Variants in NEDD9 observed in about 807,000 individuals in gnomAD.
The protein encoded by NEDD9 is neural precursor cell expressed, developmentally down-regulated 9, also known as enhancer of filamentation 1.
In NEDD9, 26 loss-of-function variants were observed where a neutral mutation model predicts 76.6. That is an observed-to-expected ratio of 0.34 (90% CI 0.25 to 0.47). The LOEUF is 0.47. NEDD9 is among the 20% of genes least tolerant of loss of function. The pLI, the probability that NEDD9 is intolerant of heterozygous loss-of-function variation, is 1.00. For synonymous variants in NEDD9, 392 were observed against 414.2 expected (o/e 0.95, Z 0.65); for missense variants, 937 against 1,058.5 (o/e 0.89, Z 1.59).
At chr6:11,272,421 TC>T (rs1277227048) in intron 3 of NEDD9, among the ~76,000 whole-genome samples, 1 of 152,248 alleles carries the variant, frequency 6.6e-6, no homozygotes, top group Admixed American at 6.5e-5. Context: ...TTTTAAGGTT[TC>T]TGGCTACATG....
At chr6:11,304,771 A>T (rs1296914429) in intron 3 of NEDD9, among the ~76,000 whole-genome samples, 1 of 152,198 alleles carries the variant, frequency 6.6e-6, no homozygotes. Context: ...ACACATGGAC[A>T]CAGGGTGGGG....
chr6:11,374,122 A>C (rs1274043129), intron 1 of NEDD9, among the ~76,000 whole-genome samples: 1 of 152,052 alleles, frequency 6.6e-6, no homozygotes, highest in Non-Finnish European at 1.5e-5. Context: ...GTTTGTCTGG[A>C]GAACCCTAAT....
intron 1 of NEDD9, among the ~76,000 whole-genome samples, chr6:11,336,924 C>T (rs962363113): frequency 1.3e-5 from 2 of 152,084 alleles, no homozygotes; most frequent in African/African-American, 4.8e-5. Context: ...CTGCCATCTC[C>T]TAGAATGCCT....
At chr6:11,232,682 T>C, upstream of NEDD9, 1 of 1,483,644 alleles carries the variant, frequency 6.7e-7, no homozygotes, top group East Asian at 2.4e-5. Flanking sequence ...CTCACTGTTG[T>C]GACTGAGGCA....
At chr6:11,186,795 T>G (rs1251980350) in intron 6 of NEDD9, among the ~76,000 whole-genome samples, 3 of 152,154 alleles carry the variant, frequency 2.0e-5, no homozygotes, top group Non-Finnish European at 4.4e-5. Context: ...TTTTTTGTAT[T>G]TTTAGTGAGA....
chr6:11,300,042 G>C (rs541648759), intron 3 of NEDD9, among the ~76,000 whole-genome samples: 1 of 152,242 alleles, frequency 6.6e-6, no homozygotes, highest in African/African-American at 2.4e-5. Flanking sequence ...GCTTCAGAAG[G>C]TCTGTGATAA....
At chr6:11,337,687 G>A (rs977838572) in intron 1 of NEDD9, among the ~76,000 whole-genome samples, 1 of 152,226 alleles carries the variant, frequency 6.6e-6, no homozygotes, top group African/African-American at 2.4e-5. Flanking sequence ...CTGGCTCTCA[G>A]TGCAGTATCG....
intron 3 of NEDD9, among the ~76,000 whole-genome samples, chr6:11,259,976 A>G (rs895423105): frequency 2.6e-5 from 4 of 152,016 alleles, no homozygotes; most frequent in Non-Finnish European, 4.4e-5. Context: ...ACACCCCACC[A>G]CAGAAACAAA....
intron 1 of NEDD9, among the ~76,000 whole-genome samples, chr6:11,366,429 G>C (rs998235920): frequency 2.0e-5 from 3 of 150,980 alleles, no homozygotes; most frequent in Non-Finnish European, 3.0e-5. Context: ...GAAAAAGAAA[G>C]GAAGAAAGAA....
intron 3 of NEDD9, among the ~76,000 whole-genome samples, chr6:11,285,638 C>T (rs1349495947): frequency 1.3e-5 from 2 of 152,124 alleles, no homozygotes; most frequent in Non-Finnish European, 2.9e-5. Flanking sequence ...CAAAACTATA[C>T]TAATCAAGAC....
At chr6:11,235,487 C>T (rs1203006214), upstream of NEDD9, among the ~76,000 whole-genome samples, 1 of 152,136 alleles carries the variant, frequency 6.6e-6, no homozygotes, top group Non-Finnish European at 1.5e-5. This position sits in a 1 kb window ranked among gnomAD's most constrained non-coding sequence, Gnocchi z 4.1. Context: ...ATGGAGCTTA[C>T]AGTCTAGTGA....
chr6:11,280,962 T>A (rs1451417328), intron 3 of NEDD9, among the ~76,000 whole-genome samples: 1 of 152,264 alleles, frequency 6.6e-6, no homozygotes, highest in Non-Finnish European at 1.5e-5. Flanking sequence ...TGAGGATACA[T>A]GGACCTTCAA....
chr6:11,293,856 T>C (rs907983126), intron 3 of NEDD9, among the ~76,000 whole-genome samples: 3 of 152,198 alleles, frequency 2.0e-5, no homozygotes, highest in African/African-American at 7.2e-5. Context: ...CTGTCTTTTT[T>C]AGATGCCATA....
chr6:11,190,334 G>A lies in NEDD9; in HGVS notation c.1535C>T (p.Ser512Phe), dbSNP rs371007711. 6.2e-7 allele frequency: 1 copy of A among 1,614,118 alleles called. No homozygotes were observed. Among genetic ancestry groups the A allele is most frequent in the Non-Finnish European group, 8.5e-7 (1 of 1,180,060 alleles). ...TSHDLNECSW[S>F]LNILAINKPQ... ...CTTGTTGATGGCCAAGATATTCAGG[G>A]ACCAGCTGCACTCATTTAAGTCATG... Residue 512 changes from serine (S) to phenylalanine (F), a missense_variant, in exon 5 of 7, where the codon TCC (serine) becomes TTC (phenylalanine). Ser to Phe is a radical substitution (Grantham distance 155, BLOSUM62 -2). Transcript: ENST00000379446. This position sits in a 1 kb window ranked among gnomAD's most constrained non-coding sequence, Gnocchi z 5.8.
At chr6:11,351,111 C>T (rs1377763278) in intron 1 of NEDD9, among the ~76,000 whole-genome samples, 1 of 152,022 alleles carries the variant, frequency 6.6e-6, no homozygotes, top group Non-Finnish European at 1.5e-5. Context: ...AAGAGATTCA[C>T]AGGTGGAAGG....
chr6:11,315,132 C>T (rs1448998793), intron 2 of NEDD9, among the ~76,000 whole-genome samples: 1 of 152,158 alleles, frequency 6.6e-6, no homozygotes, highest in African/African-American at 2.4e-5. Flanking sequence ...GTATCTGAAG[C>T]AGAGGTCTGT....
chr6:11,269,115 T>A (rs924737154), intron 3 of NEDD9, among the ~76,000 whole-genome samples: 5 of 152,238 alleles, frequency 3.3e-5, no homozygotes, highest in Non-Finnish European at 5.9e-5. Context: ...TTAAAGGTTT[T>A]GGGCTGGAAG....
intron 1 of NEDD9, among the ~76,000 whole-genome samples, chr6:11,358,861 G>C (rs980479990): frequency 5.9e-5 from 9 of 152,186 alleles, no homozygotes; most frequent in African/African-American, 9.6e-5. Flanking sequence ...TACTGAGAGA[G>C]GGGCTAAGAT....
At chr6:11,296,735 T>G (rs1187728432) in intron 3 of NEDD9, among the ~76,000 whole-genome samples, 1 of 151,366 alleles carries the variant, frequency 6.6e-6, no homozygotes, top group African/African-American at 2.4e-5. Flanking sequence ...CTTTTCTTTC[T>G]TTCTCTTTTT....
Sources: allele counts gnomAD v4.1 joint callset (sites outside exome capture counted in the v4.1 genomes callset), GRCh38; gene constraint gnomAD v4.1.1; non-coding constraint Gnocchi (gnomAD v3.1); transcripts MANE v1.5; gene names NCBI Gene and HGNC (gene_info 2026-07-23, HGNC 2026-07-21).